Variants in TRAPPC9 observed in about 807,000 individuals in gnomAD.
TRAPPC9 encodes trafficking protein particle complex subunit 9.
TRAPPC9 carries 83 observed loss-of-function variants against 124.0 expected under a neutral mutation model. That is an observed-to-expected ratio of 0.67 (90% CI 0.56 to 0.80). The LOEUF is 0.80. Among genes scored for constraint, TRAPPC9 ranks in the 30% least tolerant of loss-of-function variants. The pLI, the probability that TRAPPC9 is intolerant of heterozygous loss-of-function variation, is 0.00. For synonymous variants in TRAPPC9, 638 were observed against 617.5 expected (o/e 1.03, Z -0.49); for missense variants, 1,302 against 1,508.3 (o/e 0.86, Z 2.27).
intron 5 of TRAPPC9, among the ~76,000 whole-genome samples, chr8:140,406,735 T>C (rs532909484): frequency 6.6e-6 from 1 of 152,264 alleles, no homozygotes; most frequent in African/African-American, 2.4e-5. Context: ...AAAATCCTCT[T>C]CTGGTGAGGG....
At chr8:139,942,995 CAG>C (rs1834005457) in intron 19 of TRAPPC9, among the ~76,000 whole-genome samples, 1 of 152,214 alleles carries the variant, frequency 6.6e-6, no homozygotes, top group Admixed American at 6.5e-5. Flanking sequence ...GTGCATGGAG[CAG>C]AGTCAGTGAA....
rs553468626 is a variant in TRAPPC9, at chr8:139,730,036, C to T, written c.*1025G>A. ...CTCTGGCCCTCAAGGGAGATGTGAG[C>T]CGTGTGCTTTCTCTCTCCGGTCCTC... is the stretch of plus-strand genomic sequence containing the variant. On this transcript the variant is annotated 3_prime_UTR_variant, in exon 23 of 23. Transcript: ENST00000438773. 2.0e-5 allele frequency among the ~76,000 whole-genome samples: 3 copies of T among 152,274 alleles called. No individual in the cohort carries two copies. The highest frequency in any genetic ancestry group is 4.4e-5 in the Non-Finnish European group (3 of 68,014).
At chr8:140,458,223 C>CT, upstream of TRAPPC9, 1 of 1,550,712 alleles carries the variant, frequency 6.4e-7, no homozygotes, top group South Asian at 1.2e-5. Flanking sequence ...AGGAGGAAAG[C>CT]TTCTGCACCT....
intron 17 of TRAPPC9, among the ~76,000 whole-genome samples, chr8:140,064,863 GC>G (rs1194698421): frequency 1.5e-4 from 23 of 152,270 alleles, no homozygotes; most frequent in African/African-American, 4.3e-4. Context: ...CCCATTCACT[GC>G]AGGATTGTAA....
Position 139,731,163 on chromosome 8 carries a change from GA to G in TRAPPC9, c.3344del (p.Phe1115SerfsTer117). Reference protein sequence around the residue: ...ALLFLYTGDFFLHIRFHEDST... With the variant: ...ALLFLYTGDFXLHIRFHEDST... ...TGTCCTCGTGGAACCGGATGTGGAG[GA>G]AGAAGTCTCCCGTGTAGAGGAAGAG... On this transcript the variant is annotated frameshift_variant, in exon 23 of 23. Transcript: ENST00000438773. LOFTEE classifies it high-confidence loss of function. 5.0e-6 allele frequency: 8 copies of G among 1,614,000 alleles called. No individual in the cohort carries two copies. Among genetic ancestry groups the G allele is most frequent in the Non-Finnish European group, 6.8e-6 (8 of 1,179,996 alleles).
chr8:139,862,340 G>A (rs1478195246), intron 21 of TRAPPC9, among the ~76,000 whole-genome samples: 1 of 152,252 alleles, frequency 6.6e-6, no homozygotes, highest in Non-Finnish European at 1.5e-5. Flanking sequence ...TGTCCTCTGG[G>A]AACACTGATG....
intron 17 of TRAPPC9, among the ~76,000 whole-genome samples, chr8:140,089,963 C>G (rs569204983): frequency 6.6e-6 from 1 of 152,086 alleles, no homozygotes. Flanking sequence ...GCCTGTAGTC[C>G]CAGCTGCTCG....
At chr8:139,873,887 T>A (rs964257583) in intron 21 of TRAPPC9, among the ~76,000 whole-genome samples, 2 of 152,222 alleles carry the variant, frequency 1.3e-5, no homozygotes, top group African/African-American at 4.8e-5. Flanking sequence ...CCAGCCACCA[T>A]GGTGCCACAT....
chr8:140,448,019 C>G (rs1265610956), intron 2 of TRAPPC9, among the ~76,000 whole-genome samples: 1 of 151,968 alleles, frequency 6.6e-6, no homozygotes, highest in Admixed American at 6.6e-5. Context: ...GTGGCGCACG[C>G]CTGTAATCCC....
chr8:140,200,862 T>C (rs2062771879), intron 17 of TRAPPC9, among the ~76,000 whole-genome samples: 1 of 152,216 alleles, frequency 6.6e-6, no homozygotes, highest in Admixed American at 6.5e-5. Flanking sequence ...GTGGCAAATG[T>C]ACCCTAGTAA....
chr8:140,039,374 G>A (rs72685254), intron 17 of TRAPPC9, among the ~76,000 whole-genome samples: 7,867 of 152,286 alleles, frequency 0.052, 276 homozygotes, highest in Non-Finnish European at 0.073. Context: ...CCAGGTTTAC[G>A]TTTGGGAGCT....
Position 140,456,471 on chromosome 8 carries a change from G to A in TRAPPC9, c.-11+1168C>T, listed in dbSNP as rs1257463949. On this transcript the variant is annotated intron_variant, in intron 1 of 22. Transcript: ENST00000438773. ...ACACTTTAAAGCAGTGGATTTTATG[G>A]CAGGTAATCGAGGCTCAATGAAGCT... 3.3e-5 allele frequency among the ~76,000 whole-genome samples: 5 copies of A among 152,006 alleles called. No individual in the cohort carries two copies. In the East Asian group the frequency reaches 9.7e-4, roughly 29 times the overall value.
At chr8:139,982,541 T>C (rs1377940067) in intron 19 of TRAPPC9, among the ~76,000 whole-genome samples, 3 of 152,306 alleles carry the variant, frequency 2.0e-5, no homozygotes, top group African/African-American at 7.2e-5. Flanking sequence ...TCATGACCAA[T>C]GGCCTGGGGC....
chr8:140,057,605 C>T (rs890086972), intron 17 of TRAPPC9, among the ~76,000 whole-genome samples: 3 of 152,140 alleles, frequency 2.0e-5, no homozygotes, highest in African/African-American at 4.8e-5. Context: ...AAACACTGCA[C>T]GATTCTGCTT....
chr8:139,737,466 T>TCCCCGC lies in TRAPPC9; in HGVS notation c.3056-5265_3056-5264insGCGGGG, dbSNP rs765720342. On this transcript the variant is annotated intron_variant, in intron 21 of 22. Coordinates refer to ENST00000438773, the MANE Select transcript of TRAPPC9 (RefSeq NM_001160372.4). ...GCCTTCAGGCGGGGGTCATCAGCCC[T>TCCCCGC]CCCCCCCCCCCCACGGAAAACCCTG... Among the ~76,000 whole-genome samples the TCCCCGC allele has an allele frequency of 4.4e-4, 18 of 41,368 alleles. No individual in the cohort carries two copies. In the Admixed American group the frequency reaches 4.8e-3, roughly 11 times the overall value. 27.1% of individuals were successfully genotyped at this position (41,368 alleles called of 152,430 possible).
intron 17 of TRAPPC9, among the ~76,000 whole-genome samples, chr8:140,140,752 G>C (rs2061370534): frequency 6.6e-6 from 1 of 152,098 alleles, no homozygotes. Flanking sequence ...TCAGTAAGTA[G>C]TCATTCCTCA....
chr8:139,889,748 G>T (rs1391990824), intron 20 of TRAPPC9, among the ~76,000 whole-genome samples: 1 of 152,186 alleles, frequency 6.6e-6, no homozygotes, highest in African/African-American at 2.4e-5. Flanking sequence ...GAGAAATCTC[G>T]CAGGGTAGCG....
chr8:139,904,266 T>G (rs1191529187), intron 20 of TRAPPC9, among the ~76,000 whole-genome samples: 1 of 152,196 alleles, frequency 6.6e-6, no homozygotes, highest in South Asian at 2.1e-4. Context: ...TTTTCTGTAC[T>G]AATTAAAGAC....
chr8:140,330,136 T>C (rs1014779075), intron 9 of TRAPPC9, among the ~76,000 whole-genome samples: 8 of 149,412 alleles, frequency 5.4e-5, no homozygotes, highest in African/African-American at 2.0e-4. Flanking sequence ...TTCTTCAGTT[T>C]GTCACTTTGC....
Sources: gnomAD v4.1 joint callset for allele counts (sites outside exome capture counted in the v4.1 genomes callset) on GRCh38, gnomAD v4.1.1 for gene constraint, MANE v1.5 for transcripts, NCBI Gene and HGNC (gene_info 2026-07-23, HGNC 2026-07-21) for gene names.